STXBP5L: variants seen among roughly 807,000 people sequenced by gnomAD.
STXBP5L encodes the protein syntaxin-binding protein 5-like.
Under a neutral mutation model 144.5 loss-of-function variants are expected in STXBP5L, and 65 were observed. That is an observed-to-expected ratio of 0.45 (90% confidence interval 0.37 to 0.55). The LOEUF (loss-of-function observed/expected upper bound fraction) is 0.55. Among genes scored for constraint, STXBP5L ranks in the 20% least tolerant of loss-of-function variants. STXBP5L has a pLI of 0.00. For missense variants in STXBP5L, 1,298 were observed against 1,405.5 expected, an observed-to-expected ratio of 0.92 and a Z score of 1.22; for synonymous variants, 505 against 469.6, an observed-to-expected ratio of 1.08 and a Z score of -0.97.
intron 7 of STXBP5L, among the ~76,000 whole-genome samples, chr3:121,151,239 G>A (rs547620437): frequency 1.1e-4 from 16 of 152,206 alleles, no homozygotes; most frequent in African/African-American, 2.9e-4. Flanking sequence ...ACTCAAATAT[G>A]TATTTAGTTT....
At chr3:121,036,771 G>GTTT (rs1946780878) in intron 3 of STXBP5L, among the ~76,000 whole-genome samples, 1 of 72,426 alleles carries the variant, frequency 1.4e-5, no homozygotes, top group African/African-American at 5.5e-5. Flanking sequence ...TACATTGATT[G>GTTT]ATTTTTTTTT....
chr3:121,339,390 A>C (rs1398244609), intron 20 of STXBP5L, among the ~76,000 whole-genome samples: 2 of 152,174 alleles, frequency 1.3e-5, no homozygotes, highest in African/African-American at 4.8e-5. Context: ...CCCTCAACAA[A>C]TTAGATATAG....
intron 5 of STXBP5L, among the ~76,000 whole-genome samples, chr3:121,046,188 C>A (rs912868349): frequency 6.6e-6 from 1 of 152,084 alleles, no homozygotes; most frequent in Admixed American, 6.6e-5. Flanking sequence ...GATTATTGAA[C>A]CAACCTTGCA....
chr3:121,257,237 A>C lies in STXBP5L; in HGVS notation c.1736A>C (p.Asp579Ala). The C allele has an allele frequency of 3.7e-6, 6 of 1,613,930 alleles. No homozygotes were observed. Among genetic ancestry groups the C allele is most frequent in the Non-Finnish European group, 4.2e-6 (5 of 1,179,846 alleles). Residue 579 changes from aspartate (D) to alanine (A), a missense_variant, in exon 17 of 27, where the codon GAT becomes GCT. Physicochemically the swap from Asp to Ala is moderately radical, Grantham distance 126. Coordinates refer to ENST00000471454, the MANE Select transcript of STXBP5L (RefSeq NM_001308330.2). The stretch of plus-strand genomic sequence containing the variant: ...CCAGAAACAAGTCCTCCGTTTCCAG[A>C]TCTCTCAGCCCAGCTTCCTTCTTCA... ...PEPETSPPFPDLSAQLPSSRS... is the reference protein window; with the variant it reads ...PEPETSPPFPALSAQLPSSRS...
At chr3:121,077,053 G>A (rs900109679) in intron 5 of STXBP5L, among the ~76,000 whole-genome samples, 6 of 152,108 alleles carry the variant, frequency 3.9e-5, no homozygotes, top group African/African-American at 7.2e-5. Flanking sequence ...CCAGCGTCAC[G>A]CTCTATGTTG....
At chr3:120,919,965 T>A (rs1709283319) in intron 2 of STXBP5L, among the ~76,000 whole-genome samples, 1 of 151,842 alleles carries the variant, frequency 6.6e-6, no homozygotes, top group South Asian at 2.1e-4. Context: ...TGAATTATTT[T>A]ATAATGTATT....
chr3:121,355,337 T>C (rs1160106942), intron 20 of STXBP5L, among the ~76,000 whole-genome samples: 4 of 152,188 alleles, frequency 2.6e-5, no homozygotes, highest in East Asian at 1.9e-4. Flanking sequence ...TCAAACTAGA[T>C]TTAGTCTTTT....
chr3:121,129,297 C>G (rs1440506047), intron 7 of STXBP5L, among the ~76,000 whole-genome samples: 1 of 151,790 alleles, frequency 6.6e-6, no homozygotes, highest in African/African-American at 2.4e-5. Context: ...CTTCCTCTGC[C>G]AATATTGTAA....
intron 3 of STXBP5L, among the ~76,000 whole-genome samples, chr3:120,975,517 T>G (rs960922330): frequency 3.3e-5 from 5 of 152,228 alleles, no homozygotes; most frequent in African/African-American, 1.2e-4. Flanking sequence ...CCTCTTTTCC[T>G]AATTGAATAC....
At chr3:120,926,323 GT>G (rs1292128752) in intron 2 of STXBP5L, among the ~76,000 whole-genome samples, 1 of 143,338 alleles carries the variant, frequency 7.0e-6, no homozygotes, top group Non-Finnish European at 1.5e-5. Context: ...TGAAGAACAT[GT>G]TTGCTGGATA....
chr3:121,164,235 G>T (rs560664650), intron 9 of STXBP5L, among the ~76,000 whole-genome samples: 6 of 151,992 alleles, frequency 3.9e-5, no homozygotes, highest in South Asian at 2.1e-4. Flanking sequence ...TGGCCAACAC[G>T]TATGTAAAAA....
intron 3 of STXBP5L, among the ~76,000 whole-genome samples, chr3:121,031,490 G>A (rs919384236): frequency 6.6e-6 from 1 of 151,994 alleles, no homozygotes; most frequent in Non-Finnish European, 1.5e-5. Context: ...TGTAGGGCAG[G>A]TTGGCAGGCT....
intron 9 of STXBP5L, among the ~76,000 whole-genome samples, chr3:121,187,133 T>TA (rs1290477645): frequency 1.3e-5 from 2 of 152,142 alleles, no homozygotes; most frequent in Non-Finnish European, 1.5e-5. Flanking sequence ...ATGGTGGCAC[T>TA]ATTCACAATA....
At chr3:121,074,737 T>C (rs866711055) in intron 5 of STXBP5L, among the ~76,000 whole-genome samples, 31 of 152,310 alleles carry the variant, frequency 2.0e-4, no homozygotes, top group Middle Eastern at 6.8e-3. Context: ...TCATGCCTTT[T>C]CTTTGACCTA....
At chr3:121,333,165 A>G (rs1238707340) in intron 20 of STXBP5L, among the ~76,000 whole-genome samples, 9 of 152,302 alleles carry the variant, frequency 5.9e-5, no homozygotes, top group African/African-American at 1.9e-4. Context: ...CTATAAAATA[A>G]TAGCACATGG....
chr3:121,389,237 T>TC (rs1388197305), intron 22 of STXBP5L, among the ~76,000 whole-genome samples: 1 of 152,210 alleles, frequency 6.6e-6, no homozygotes, highest in Non-Finnish European at 1.5e-5. Context: ...AGTGGTGATA[T>TC]CCCTTTTATC....
rs534684037 is a variant in STXBP5L, at chr3:121,052,478, G to A, written c.470+6943G>A. Among the ~76,000 whole-genome samples, 3 of 152,188 alleles carry A rather than the reference G, an allele frequency of 2.0e-5. No individual in the cohort carries two copies. In the South Asian group the frequency reaches 6.3e-4, roughly 32 times the overall value. ...ATAAATGTAATCCAGCATATAAACA[G>A]AACCAAAGGCAAAAACCACATGATT... On this transcript the variant is annotated intron_variant, in intron 5 of 26. Transcript: ENST00000471454.
At chr3:121,256,672 C>T (rs529293039) in intron 16 of STXBP5L, among the ~76,000 whole-genome samples, 16 of 151,870 alleles carry the variant, frequency 1.1e-4, no homozygotes, top group African/African-American at 3.6e-4. Context: ...TACTAAAAGG[C>T]TTTAAACAAG....
chr3:121,033,862 A>T (rs944455185), intron 3 of STXBP5L, among the ~76,000 whole-genome samples: 2 of 152,096 alleles, frequency 1.3e-5, no homozygotes, highest in African/African-American at 4.8e-5. Context: ...CTGTGAAAAC[A>T]TGAATTAAAC....
Sources: gnomAD v4.1 joint callset for allele counts (sites outside exome capture counted in the v4.1 genomes callset) on GRCh38, gnomAD v4.1.1 for gene constraint, MANE v1.5 for transcripts, NCBI Gene and HGNC (gene_info 2026-07-23, HGNC 2026-07-21) for gene names.